Variants in LRFN5 observed in about 807,000 individuals in gnomAD.
LRFN5 encodes leucine-rich repeat and fibronectin type-III domain-containing protein 5.
A neutral mutation model predicts 45.6 loss-of-function variants in LRFN5; 24 were observed. The ratio of observed to expected loss-of-function variants is 0.53; its 90% confidence interval spans 0.38 to 0.74. The LOEUF (loss-of-function observed/expected upper bound fraction) is 0.74. Among genes scored for constraint, LRFN5 ranks in the 30% least tolerant of loss-of-function variants. The pLI is 0.00. For missense variants in LRFN5, 776 were observed against 861.5 expected (o/e 0.90, Z 1.24); for synonymous variants, 340 against 313.8 (o/e 1.08, Z -0.88).
At chr14:41,734,252 TCTGCCACCTCAGCCTCC>T (rs1884309994) in intron 1 of LRFN5, among the ~76,000 whole-genome samples, 2 of 136,624 alleles carry the variant, frequency 1.5e-5, no homozygotes, top group Non-Finnish European at 3.1e-5. Flanking sequence ...CCTCAGGTGA[TCTGCCACCTCAGCCTCC>T]CAAAGTACTG....
intron 1 of LRFN5, among the ~76,000 whole-genome samples, chr14:41,642,955 A>G (rs1003686458): frequency 1.1e-4 from 17 of 152,154 alleles, no homozygotes; most frequent in African/African-American, 3.9e-4. Context: ...TTCATACTTC[A>G]TTGTCACAAT....
intron 1 of LRFN5, among the ~76,000 whole-genome samples, chr14:41,650,898 AGGGAGG>A (rs1425718592): frequency 5.5e-4 from 24 of 43,396 alleles, no homozygotes; most frequent in African/African-American, 1.4e-3. Context: ...AGAGAGAGAG[AGGGAGG>A]GAGGGAGGGA....
At chr14:41,830,723 G>C (rs1433086092) in intron 2 of LRFN5, among the ~76,000 whole-genome samples, 3 of 152,118 alleles carry the variant, frequency 2.0e-5, no homozygotes, top group Non-Finnish European at 4.4e-5. Flanking sequence ...TGCCAGAGGG[G>C]AACCATAAAG....
At chr14:41,655,522 C>G (rs1880337762) in intron 1 of LRFN5, among the ~76,000 whole-genome samples, 1 of 151,960 alleles carries the variant, frequency 6.6e-6, no homozygotes, top group African/African-American at 2.4e-5. Flanking sequence ...CCTTTTGGAA[C>G]TTGGTTAAGG....
At chr14:41,751,650 G>T (rs572256943) in intron 1 of LRFN5, among the ~76,000 whole-genome samples, 1 of 152,196 alleles carries the variant, frequency 6.6e-6, no homozygotes, top group Non-Finnish European at 1.5e-5. Context: ...TTGACTTTGA[G>T]CATAGGGTTA....
At chr14:41,828,717 G>A (rs1888377858) in intron 2 of LRFN5, among the ~76,000 whole-genome samples, 1 of 151,778 alleles carries the variant, frequency 6.6e-6, no homozygotes, top group Non-Finnish European at 1.5e-5. Context: ...AGCTTCTATT[G>A]TCAACACTGT....
rs139762724 is a variant in LRFN5 at position 41,876,057 on chromosome 14, C to G, written c.-20-10549C>G. Reference sequence around the variant, plus strand: ...GGAGATATCCCCCTCTGTAACCTAGCACTAAATCCAAGTTCTGTTTAATCT... The same window carrying G: ...GGAGATATCCCCCTCTGTAACCTAGGACTAAATCCAAGTTCTGTTTAATCT... On this transcript the variant is annotated intron_variant, in intron 2 of 5. Transcript: ENST00000298119. 3.9e-5 allele frequency among the ~76,000 whole-genome samples: 6 copies of G among 152,150 alleles called. No individual in the cohort carries two copies. The East Asian group carries it at 1.2e-3, about 29-fold the overall frequency.
chr14:41,690,435 C>T (rs1204765934), intron 1 of LRFN5, among the ~76,000 whole-genome samples: 1 of 152,024 alleles, frequency 6.6e-6, no homozygotes, highest in East Asian at 1.9e-4. Context: ...CACCTGTAGT[C>T]GCAGCTACTC....
intron 1 of LRFN5, among the ~76,000 whole-genome samples, chr14:41,637,689 G>T (rs1282361227): frequency 6.6e-6 from 1 of 152,070 alleles, no homozygotes; most frequent in South Asian, 2.1e-4. Flanking sequence ...TAATATTATA[G>T]GTTGCTTATA....
At chr14:41,635,910 T>C (rs1215215796) in intron 1 of LRFN5, among the ~76,000 whole-genome samples, 1 of 152,172 alleles carries the variant, frequency 6.6e-6, no homozygotes, top group African/African-American at 2.4e-5. Context: ...ATTCTAAATT[T>C]GCATACTTTA....
rs543219239 is a variant in LRFN5 at position 41,878,313 on chromosome 14, C to G, written c.-20-8293C>G. 3.3e-5 allele frequency among the ~76,000 whole-genome samples: 5 copies of G among 152,244 alleles called. No individual in the cohort carries two copies. The East Asian group carries it at 9.6e-4, about 29-fold the overall frequency. On this transcript the variant is annotated intron_variant, in intron 2 of 5. Coordinates refer to ENST00000298119, the MANE Select transcript of LRFN5 (RefSeq NM_152447.5). ...CAGTAATTGAATTAATAGCATTCTA[C>G]TGAATGATGGCAAAGTAGCTATGGA...
intron 1 of LRFN5, among the ~76,000 whole-genome samples, chr14:41,641,093 A>G (rs1879553811): frequency 6.6e-6 from 1 of 152,128 alleles, no homozygotes; most frequent in African/African-American, 2.4e-5. Flanking sequence ...TAAAGTGCAA[A>G]TTACATGAAC....
chr14:41,630,272 C>T (rs544567785), intron 1 of LRFN5, among the ~76,000 whole-genome samples: 1 of 152,228 alleles, frequency 6.6e-6, no homozygotes, highest in South Asian at 2.1e-4. Flanking sequence ...AAGCATTCCT[C>T]TGGATTAAAT....
chr14:41,704,448 C>CTCTCTGTGTGTGTGTGTGTGTGTG (rs200253065), intron 1 of LRFN5, among the ~76,000 whole-genome samples: 22 of 124,282 alleles, frequency 1.8e-4, no homozygotes, highest in African/African-American at 7.3e-4. Context: ...CTCTCTCTCT[C>CTCTCTGTGTGTGTGTGTGTGTGTG]TGTGTGTGTG....
chr14:41,676,993 C>T (rs1881662131), intron 1 of LRFN5, among the ~76,000 whole-genome samples: 1 of 152,162 alleles, frequency 6.6e-6, no homozygotes, highest in African/African-American at 2.4e-5. Context: ...GCCTGCACAA[C>T]ACACATGCAT....
chr14:41,707,812 G>A (rs558035237), intron 1 of LRFN5, among the ~76,000 whole-genome samples: 231 of 152,042 alleles, frequency 1.5e-3, no homozygotes, highest in African/African-American at 5.4e-3. Context: ...GACTACATTG[G>A]TAGAGCTCAA....
At chr14:41,786,902 G>C (rs1886741975) in intron 2 of LRFN5, among the ~76,000 whole-genome samples, 1 of 151,754 alleles carries the variant, frequency 6.6e-6, no homozygotes, top group Non-Finnish European at 1.5e-5. Flanking sequence ...TTCTTCTACT[G>C]TGTCTACTCT....
chr14:41,864,260 A>G (rs577214831), intron 2 of LRFN5, among the ~76,000 whole-genome samples: 16 of 152,102 alleles, frequency 1.1e-4, no homozygotes, highest in African/African-American at 3.9e-4. Context: ...GTCTTCCCCA[A>G]TGGTTGAACT....
At chr14:41,625,173 T>C (rs1177547937) in intron 1 of LRFN5, among the ~76,000 whole-genome samples, 1 of 152,142 alleles carries the variant, frequency 6.6e-6, no homozygotes, top group Non-Finnish European at 1.5e-5. Context: ...GTACTCTGTG[T>C]TGTACTCTAA....
Sources: gnomAD v4.1 joint callset for allele counts (sites outside exome capture counted in the v4.1 genomes callset) on GRCh38, gnomAD v4.1.1 for gene constraint, MANE v1.5 for transcripts, NCBI Gene and HGNC (gene_info 2026-07-23, HGNC 2026-07-21) for gene names.